The following ZMYM4 variants were observed in gnomAD, a reference collection of about 807,000 sequenced individuals.
ZMYM4 encodes zinc finger MYM-type protein 4.
Under a neutral mutation model 183.2 loss-of-function variants are expected in ZMYM4, and 31 were observed. The observed-to-expected ratio is 0.17, with a 90% CI of 0.13 to 0.23. The LOEUF (loss-of-function observed/expected upper bound fraction) is 0.23, where lower values mean the gene tolerates loss of function less well. ZMYM4 is among the 10% of genes least tolerant of loss of function. The probability of loss-of-function intolerance (pLI) is 1.00; values close to 1 mark genes in which losing one functional copy is unlikely to be tolerated. For synonymous variants in ZMYM4, 592 were observed against 631.2 expected, an observed-to-expected ratio of 0.94 and a Z score of 0.93; for missense variants, 1,273 against 1,840.3, an observed-to-expected ratio of 0.69 and a Z score of 5.64.
At chr1:35,304,545 C>T (rs769944643) in intron 1 of ZMYM4, among the ~76,000 whole-genome samples, 8 of 150,916 alleles carry the variant, frequency 5.3e-5, no homozygotes, top group African/African-American at 1.2e-4. Context: ...GCAACCTCTG[C>T]CTCCTGGGCT....
chr1:35,329,330 G>A (rs1350851432), intron 2 of ZMYM4, among the ~76,000 whole-genome samples: 4 of 152,208 alleles, frequency 2.6e-5, no homozygotes, highest in Non-Finnish European at 5.9e-5. Context: ...TGTGTTAGAG[G>A]AAATGACTGA....
chr1:35,343,261 A>G (rs985341994), intron 2 of ZMYM4, among the ~76,000 whole-genome samples: 1 of 152,166 alleles, frequency 6.6e-6, no homozygotes, highest in Non-Finnish European at 1.5e-5. Context: ...CTATCATAAG[A>G]TCATGAAAAT....
rs1445416253 is a variant in ZMYM4 at position 35,274,615 on chromosome 1, TTAAA to T, written c.39+5531_39+5534del. Among the ~76,000 whole-genome samples the T allele has an allele frequency of 9.1e-5, 13 of 142,438 alleles. No homozygotes were observed. The East Asian group carries it at 3.0e-3, about 33-fold the overall frequency. 93.4% of individuals were successfully genotyped at this position (142,438 alleles called of 152,430 possible). On this transcript the variant is annotated intron_variant, in intron 1 of 29. Transcript: ENST00000314607. ...AGCAAGAGAGACACTGTTTTTTTTT[TTAAA>T]AAAAAAAAAAAAAAAGGAGAGGCCA... is the stretch of plus-strand genomic sequence containing the variant.
chr1:35,275,864 C>T (rs1639845912), intron 1 of ZMYM4, among the ~76,000 whole-genome samples: 1 of 152,132 alleles, frequency 6.6e-6, no homozygotes, highest in African/African-American at 2.4e-5. Context: ...GGTATAATCT[C>T]TGGAATTTAG....
Position 35,397,528 on chromosome 1 carries a change from AGAC to A in ZMYM4, c.3183_3185del (p.Lys1061_Thr1062delinsAsn), listed in dbSNP as rs1644830428. 1.2e-6 allele frequency: 2 copies of A among 1,611,660 alleles called. No individual in the cohort carries two copies. Among genetic ancestry groups the A allele is most frequent in the Non-Finnish European group, 1.7e-6 (2 of 1,179,112 alleles). ...ATGATTGCAGAAGATGAAGAGAAGA[AGAC>A]TCTATCTCAGGGAGGTTGGTATACT... On this transcript the variant is annotated inframe_deletion, in exon 20 of 30. Coordinates refer to ENST00000314607, the MANE Select transcript of ZMYM4 (RefSeq NM_005095.3).
In ZMYM4 at chr1:35,359,062, A is replaced by G. The variant is rs758250059; in HGVS notation, c.223A>G (p.Asn75Asp). The G allele has an allele frequency of 1.9e-6, 3 of 1,613,644 alleles. No individual in the cohort carries two copies. The highest frequency in any genetic ancestry group is 2.5e-6 in the Non-Finnish European group (3 of 1,179,742). ...SLLDEDDYFLNSGDLAGIPVV... is the reference protein window; with the variant it reads ...SLLDEDDYFLDSGDLAGIPVV... ...GCTGGATGAAGATGATTATTTTTTG[A>G]ACTCTGGGGATCTTGCAGGAATTCC... Residue 75 changes from asparagine (N) to aspartate (D), a missense_variant, in exon 3 of 30, where the codon AAC becomes GAC. Asn to Asp is a conservative substitution (Grantham distance 23). Around this residue, in one of 6 missense-constraint regions of ZMYM4, gnomAD observed 384 missense variants for 465.6 expected, o/e 0.82. Coordinates refer to ENST00000314607, the MANE Select transcript of ZMYM4 (RefSeq NM_005095.3).
chr1:35,296,693 A>G lies in ZMYM4; in HGVS notation c.39+27608A>G, dbSNP rs567610269. Among the ~76,000 whole-genome samples, 3 of 152,244 alleles carry G rather than the reference A, an allele frequency of 2.0e-5. No individual in the cohort carries two copies. The South Asian group carries it at 6.2e-4, about 32-fold the overall frequency. The stretch of plus-strand genomic sequence containing the variant: ...AGGATATCACATGATTTTCCAGCAA[A>G]AGAAGGCTATTCTTTTTAGATACAG... On this transcript the variant is annotated intron_variant, in intron 1 of 29. Transcript: ENST00000314607.
intron 1 of ZMYM4, among the ~76,000 whole-genome samples, chr1:35,299,593 A>G (rs530456304): frequency 1.3e-5 from 2 of 152,312 alleles, no homozygotes; most frequent in East Asian, 1.9e-4. Flanking sequence ...GTGGAAAGCA[A>G]CCAATCAAAG....
intron 1 of ZMYM4, among the ~76,000 whole-genome samples, chr1:35,286,127 C>T (rs1640469051): frequency 6.6e-6 from 1 of 152,132 alleles, no homozygotes; most frequent in Non-Finnish European, 1.5e-5. Flanking sequence ...GTGACATGAT[C>T]TTATACGTAG....
At chr1:35,342,468 TC>T (rs1643237230) in intron 2 of ZMYM4, among the ~76,000 whole-genome samples, 1 of 152,156 alleles carries the variant, frequency 6.6e-6, no homozygotes. Flanking sequence ...ATTTAAGTCG[TC>T]CCTGTCTTTT....
intron 1 of ZMYM4, among the ~76,000 whole-genome samples, chr1:35,271,045 T>C (rs1163373704): frequency 6.6e-6 from 1 of 152,214 alleles, no homozygotes; most frequent in Non-Finnish European, 1.5e-5. Context: ...TTTGAAATTT[T>C]AAAATTTTCA....
intron 7 of ZMYM4, among the ~76,000 whole-genome samples, chr1:35,376,377 T>C (rs1644334121): frequency 6.6e-6 from 1 of 152,222 alleles, no homozygotes; most frequent in Admixed American, 6.5e-5. Flanking sequence ...CCAATTCTTA[T>C]CTCCTTAACT....
At chr1:35,318,062 T>TC (rs1642127066) in intron 1 of ZMYM4, among the ~76,000 whole-genome samples, 1 of 147,632 alleles carries the variant, frequency 6.8e-6, no homozygotes, top group African/African-American at 2.5e-5. Context: ...CAGTTTTTTT[T>TC]TTTTTTTTTT....
intron 1 of ZMYM4, among the ~76,000 whole-genome samples, chr1:35,277,211 A>G (rs1639920770): frequency 6.6e-6 from 1 of 152,210 alleles, no homozygotes; most frequent in Non-Finnish European, 1.5e-5. Context: ...AAATGTCATC[A>G]TCAATATTTT....
intron 5 of ZMYM4, among the ~76,000 whole-genome samples, chr1:35,363,331 G>A (rs1261639989): frequency 6.6e-6 from 1 of 152,166 alleles, no homozygotes; most frequent in Non-Finnish European, 1.5e-5. Context: ...AAACTCCACA[G>A]CATTGACATT....
At chr1:35,378,765 T>C (rs377709325) in intron 7 of ZMYM4, among the ~76,000 whole-genome samples, 1 of 152,222 alleles carries the variant, frequency 6.6e-6, no homozygotes, top group African/African-American at 2.4e-5. Flanking sequence ...GAAGACTGTT[T>C]CTTCTACATT....
rs566474547 is a variant in ZMYM4, at chr1:35,344,061, C to CT, written c.86-14852dup. ...ATAAGCATGGAATATTTCTTTTTTC[C>CT]TTTTTTTTTTTTGAGACATTCTTGC... On this transcript the variant is annotated intron_variant, in intron 2 of 29. Coordinates refer to ENST00000314607, the MANE Select transcript of ZMYM4 (RefSeq NM_005095.3). Among the ~76,000 whole-genome samples, 536 of 142,060 alleles carry CT rather than the reference C, an allele frequency of 3.8e-3. 1 individual carries two copies. The highest frequency in any genetic ancestry group is 8.7e-3 in the African/African-American group (339 of 39,022). The allele number at this position is 142,060 out of a possible 152,430, so 93.2% of individuals were successfully genotyped here.
intron 1 of ZMYM4, among the ~76,000 whole-genome samples, chr1:35,300,430 A>G (rs916573658): frequency 6.6e-6 from 1 of 152,180 alleles, no homozygotes; most frequent in Non-Finnish European, 1.5e-5. Context: ...CACAGGGTTC[A>G]TTGAGCATTC....
chr1:35,296,550 C>G (rs906168253), intron 1 of ZMYM4, among the ~76,000 whole-genome samples: 5 of 152,112 alleles, frequency 3.3e-5, no homozygotes, highest in Non-Finnish European at 5.9e-5. Flanking sequence ...TTGTGTGTAC[C>G]TGTCCCCCTA....
Sources: allele counts gnomAD v4.1 joint callset (sites outside exome capture counted in the v4.1 genomes callset), GRCh38; gene constraint gnomAD v4.1.1; regional missense constraint gnomAD v4.1.1; transcripts MANE v1.5; gene names NCBI Gene and HGNC (gene_info 2026-07-23, HGNC 2026-07-21).